The following DDX54 variants were observed in gnomAD, a reference collection of about 807,000 sequenced individuals.
The protein encoded by DDX54 is ATP-dependent RNA helicase DDX54.
DDX54 carries 67 observed loss-of-function variants against 105.5 expected under a neutral mutation model. That is an observed-to-expected ratio of 0.64 (90% CI 0.52 to 0.78). The LOEUF is 0.78. DDX54 is among the 30% of genes least tolerant of loss of function. The pLI is 0.00. For missense variants in DDX54, 1,206 were observed against 1,230.5 expected (o/e 0.98, Z 0.30); for synonymous variants, 514 against 509.9 (o/e 1.01, Z -0.11).
At chr12:113,160,037 C>T (rs1011670894) in intron 19 of DDX54, among the ~76,000 whole-genome samples, 29 of 152,218 alleles carry the variant, frequency 1.9e-4, no homozygotes, top group Admixed American at 5.2e-4. Context: ...AGGTCGCCCC[C>T]GTCTCCCCAG....
At chr12:113,172,027 G>GTAACT (rs1244370167) in intron 11 of DDX54, among the ~76,000 whole-genome samples, 1 of 151,998 alleles carries the variant, frequency 6.6e-6, no homozygotes, top group African/African-American at 2.4e-5. Context: ...AGTATCTCAT[G>GTAACT]TAACTTATTG....
intron 7 of DDX54, among the ~76,000 whole-genome samples, chr12:113,176,422 C>G (rs1274260167): frequency 2.0e-5 from 3 of 152,134 alleles, no homozygotes; most frequent in Non-Finnish European, 2.9e-5. Flanking sequence ...ACAAAATTAG[C>G]CAGGCGTGGT....
intron 11 of DDX54, among the ~76,000 whole-genome samples, chr12:113,171,056 G>A (rs1952331783): frequency 6.6e-6 from 1 of 152,192 alleles, no homozygotes; most frequent in Non-Finnish European, 1.5e-5. Flanking sequence ...GACCGGCACT[G>A]TTGGTCTTGT....
At chr12:113,167,252 C>T (rs1952288168) in intron 12 of DDX54, among the ~76,000 whole-genome samples, 1 of 152,084 alleles carries the variant, frequency 6.6e-6, no homozygotes, top group Non-Finnish European at 1.5e-5. Flanking sequence ...TGGCACCTGC[C>T]TGTATTCCCA....
intron 11 of DDX54, among the ~76,000 whole-genome samples, chr12:113,170,433 G>C (rs1952323193): frequency 6.6e-6 from 1 of 152,166 alleles, no homozygotes; most frequent in Non-Finnish European, 1.5e-5. Context: ...TTGAGGCCAG[G>C]AGTTCGAGAA....
In DDX54 at chr12:113,158,653, G is replaced by C; in HGVS notation, c.*224C>G. On this transcript the variant is annotated 3_prime_UTR_variant, in exon 20 of 20. Transcript: ENST00000306014. The surrounding 1 kb of genome is among the most constrained non-coding windows in gnomAD (Gnocchi z 4.9). The stretch of plus-strand genomic sequence containing the variant: ...TCTTGGCCTGCCTGGCTTTGCTGGC[G>C]AACTCCTGCACACCCTTCAAGGCCC... 2.0e-6 allele frequency: 1 copy of C among 511,242 alleles called. No homozygotes were observed. 31.7% of individuals were successfully genotyped at this position (511,242 alleles called of 1,614,324 possible). A position where few individuals can be genotyped will look rare whatever the true frequency, so the allele number is the denominator to read the frequency against.
rs146818376 is a variant in DDX54 at position 113,181,576 on chromosome 12, G to T, written c.175-518C>A. 6.1e-3 allele frequency among the ~76,000 whole-genome samples: 931 copies of T among 151,474 alleles called. 10 individuals carry two copies. Among genetic ancestry groups the T allele is most frequent in the African/African-American group, 0.021 (862 of 41,300 alleles). ...TCCTCCCTTCTTGGCCTCCCAAAGT[G>T]TTGGGATTACAGGCATGAACCACCA... On this transcript the variant is annotated intron_variant, in intron 1 of 19. Coordinates refer to ENST00000306014, the MANE Select transcript of DDX54 (RefSeq NM_024072.4).
intron 7 of DDX54, 82 bp from the exon 8 acceptor site, chr12:113,175,239 A>G: frequency 4.7e-6 from 7 of 1,501,430 alleles, no homozygotes; most frequent in Non-Finnish European, 6.2e-6. Flanking sequence ...TGTCCCCACA[A>G]CTTCTGCAGT....
In DDX54 at chr12:113,185,369, T is replaced by C. The variant is rs1185166020; in HGVS notation, c.83A>G (p.Lys28Arg). 6.3e-7 allele frequency: 1 copy of C among 1,575,098 alleles called. No individual in the cohort carries two copies. The highest frequency in any genetic ancestry group is 2.4e-5 in the East Asian group (1 of 42,344). Reference protein sequence around the residue: ...AQWRKKKGLRKRRGAASQARG... With the variant: ...AQWRKKKGLRRRRGAASQARG... ...GGCCTGGGAGGCCGCGCCTCGGCGC[T>C]TCCGGAGCCCTTTCTTCTTCCTCCA... Residue 28 changes from lysine to arginine, a missense_variant, in exon 1 of 20, where the codon AAG (lysine) becomes AGG (arginine). This residue lies in a region of DDX54 where 212 missense variants were observed against 155.4 expected (regional missense o/e 1.36). Transcript: ENST00000306014.
At chr12:113,165,328 A>T (rs1203783189) in intron 14 of DDX54, among the ~76,000 whole-genome samples, 1 of 152,196 alleles carries the variant, frequency 6.6e-6, no homozygotes, top group African/African-American at 2.4e-5. Context: ...CTAACAGACC[A>T]GAAGCATGTC....
Position 113,181,008 on chromosome 12 carries a change from C to T in DDX54, c.225G>A (p.Ser75=), listed in dbSNP as rs1313511990. The change falls in exon 2 of 20, where the codon TCG becomes TCA. Residue 75 remains serine, a synonymous_variant. Transcript: ENST00000306014. ...TCTCCCGGGTGTCCGGCTCCACATC[C>T]GAGGTGCATTCCGAGGTGGGGAAGG... ...LPTFPTSECT[S]DVEPDTREMV... 3.1e-6 allele frequency: 5 copies of T among 1,613,474 alleles called. No homozygotes were observed. The highest frequency in any genetic ancestry group is 4.2e-6 in the Non-Finnish European group (5 of 1,179,778).
In DDX54 at chr12:113,180,909, T is replaced by C; in HGVS notation, c.304+20A>G. The C allele has an allele frequency of 6.2e-7, 1 of 1,612,936 alleles. No individual in the cohort carries two copies. The highest frequency in any genetic ancestry group is 8.5e-7 in the Non-Finnish European group (1 of 1,179,414). On this transcript the variant is annotated intron_variant, in intron 2 of 19. Coordinates refer to ENST00000306014, the MANE Select transcript of DDX54 (RefSeq NM_024072.4). ...CCAGCTGCCACTCCCGCAGAGTCCCTGATGCCAAGTTGCACCCACCCATGG... is the reference window on the plus strand; with the variant it reads ...CCAGCTGCCACTCCCGCAGAGTCCCCGATGCCAAGTTGCACCCACCCATGG...
At chr12:113,161,800 C>T (rs1952211785) in intron 18 of DDX54, 93 bp downstream of exon 18, 1 of 170,544 alleles carries the variant, frequency 5.9e-6, no homozygotes, top group Non-Finnish European at 1.2e-5. Context: ...CTCCTCCCCG[C>T]CCCCGCCCCC....
rs1282686784 is a variant in DDX54, at chr12:113,158,047, C to CA, written c.*829dup. The stretch of plus-strand genomic sequence containing the variant: ...GATGAGAGATCACCAAGGCCCCCTC[C>CA]ACTATGGACTCTGCCAGGTGAGGGG... On this transcript the variant is annotated 3_prime_UTR_variant, in exon 20 of 20. Coordinates refer to ENST00000306014, the MANE Select transcript of DDX54 (RefSeq NM_024072.4). This position sits in a 1 kb window ranked among gnomAD's most constrained non-coding sequence, Gnocchi z 4.9. The CA allele has an allele frequency of 4.5e-6, 1 of 223,748 alleles. No homozygotes were observed. Among genetic ancestry groups the CA allele is most frequent in the Non-Finnish European group, 8.9e-6 (1 of 111,808 alleles). 13.9% of individuals were successfully genotyped at this position (223,748 alleles called of 1,614,324 possible).
In DDX54 at chr12:113,179,036, G is replaced by C. The variant is rs1159723040; in HGVS notation, c.565-10C>G. 1.2e-6 allele frequency: 2 copies of C among 1,613,966 alleles called. No homozygotes were observed. Among genetic ancestry groups the C allele is most frequent in the African/African-American group, 2.7e-5 (2 of 74,934 alleles). On this transcript the variant is annotated splice_polypyrimidine_tract_variant and intron_variant, in intron 4 of 19. Transcript: ENST00000306014. ...CAGTGAACTTGCCTAGCTGAGAAGAGAAAGTGATTGAGAGAGGGCAGGGGT... is the reference window on the plus strand; with the variant it reads ...CAGTGAACTTGCCTAGCTGAGAAGACAAAGTGATTGAGAGAGGGCAGGGGT...
chr12:113,158,541 T>C lies in DDX54; in HGVS notation c.*336A>G, dbSNP rs1952164621. ...CATTAAAAATTCCATTGCCAAACCCTGAGGCACTCAGGGCTCTGACCGGTG... is the reference window on the plus strand; with the variant it reads ...CATTAAAAATTCCATTGCCAAACCCCGAGGCACTCAGGGCTCTGACCGGTG... On this transcript the variant is annotated 3_prime_UTR_variant, in exon 20 of 20. Coordinates refer to ENST00000306014, the MANE Select transcript of DDX54 (RefSeq NM_024072.4). The surrounding 1 kb of genome is among the most constrained non-coding windows in gnomAD (Gnocchi z 4.9). 1.1e-5 allele frequency: 3 copies of C among 261,546 alleles called. No individual in the cohort carries two copies. Among genetic ancestry groups the C allele is most frequent in the African/African-American group, 2.2e-5 (1 of 45,260 alleles). 16.2% of individuals were successfully genotyped at this position (261,546 alleles called of 1,614,324 possible). A position where few individuals can be genotyped will look rare whatever the true frequency, so the allele number is the denominator to read the frequency against.
intron 1 of DDX54, among the ~76,000 whole-genome samples, chr12:113,181,780 T>C (rs1012250533): frequency 1.2e-4 from 18 of 152,044 alleles, no homozygotes; most frequent in Non-Finnish European, 1.6e-4. Flanking sequence ...GACCCACTTG[T>C]CCTGGCACAG....
intron 4 of DDX54, 23 bp downstream of exon 4, chr12:113,179,120 C>T (rs770477074): frequency 6.2e-7 from 1 of 1,613,426 alleles, no homozygotes; most frequent in African/African-American, 1.3e-5. Flanking sequence ...TTGCCTCCAG[C>T]CTCTAGCCAA....
chr12:113,182,168 A>T (rs1952475572), intron 1 of DDX54, among the ~76,000 whole-genome samples: 1 of 152,134 alleles, frequency 6.6e-6, no homozygotes, highest in African/African-American at 2.4e-5. Context: ...CAGAGAAGAA[A>T]ACTGAGGCAC....
Sources: gnomAD v4.1 joint callset for allele counts (sites outside exome capture counted in the v4.1 genomes callset) on GRCh38, gnomAD v4.1.1 for gene constraint, gnomAD v4.1.1 regional missense constraint, Gnocchi (gnomAD v3.1) non-coding constraint, MANE v1.5 for transcripts, NCBI Gene and HGNC (gene_info 2026-07-23, HGNC 2026-07-21) for gene names.